The following AIG1 variants were observed in gnomAD, a reference collection of about 807,000 sequenced individuals.
The protein encoded by AIG1 is androgen-induced gene 1 protein.
In AIG1, 23 loss-of-function variants were observed where a neutral mutation model predicts 31.4. The observed-to-expected ratio is 0.73, with a 90% confidence interval of 0.53 to 1.04. The LOEUF (loss-of-function observed/expected upper bound fraction) is 1.04, where lower values mean the gene tolerates loss of function less well. AIG1 is among the 50% of genes least tolerant of loss of function. AIG1 has a pLI of 0.00. For missense variants in AIG1, 274 were observed against 295.0 expected (o/e 0.93, Z 0.52); for synonymous variants, 100 against 110.5 (o/e 0.90, Z 0.60).
rs932197135 is a variant in AIG1, at chr6:143,284,064, A to C, written c.400-46A>C. 1 of 1,418,372 alleles carries C rather than the reference A, an allele frequency of 7.1e-7. No homozygotes were observed. Among genetic ancestry groups the C allele is most frequent in the African/African-American group, 1.4e-5 (1 of 70,878 alleles). 87.9% of individuals were successfully genotyped at this position (1,418,372 alleles called of 1,614,324 possible). A position where few individuals can be genotyped will look rare whatever the true frequency, so the allele number is the denominator to read the frequency against. On this transcript the variant is annotated intron_variant, in intron 3 of 5. Coordinates refer to ENST00000357847, the MANE Select transcript of AIG1 (RefSeq NM_016108.4). This position sits in a 1 kb window ranked among gnomAD's most constrained non-coding sequence, Gnocchi z 4.4. Reference sequence around the variant, plus strand: ...TACTGGTGAAAAAACAACTATAGAGAGACAATGATAGCAATCTGTGTCACC... The same window carrying C: ...TACTGGTGAAAAAACAACTATAGAGCGACAATGATAGCAATCTGTGTCACC...
intron 3 of AIG1, among the ~76,000 whole-genome samples, chr6:143,173,578 G>A (rs943221985): frequency 1.3e-5 from 2 of 152,128 alleles, no homozygotes; most frequent in Non-Finnish European, 2.9e-5. Flanking sequence ...GTTTGGATAG[G>A]TTGTGTCACT....
At chr6:143,157,040 AT>A (rs1345151638) in intron 2 of AIG1, among the ~76,000 whole-genome samples, 2 of 152,240 alleles carry the variant, frequency 1.3e-5, no homozygotes, top group Non-Finnish European at 2.9e-5. Flanking sequence ...TAAGTTTAAA[AT>A]TTATTTTTAG....
chr6:143,144,169 T>G (rs1784522486), intron 2 of AIG1, among the ~76,000 whole-genome samples: 1 of 152,218 alleles, frequency 6.6e-6, no homozygotes, highest in Non-Finnish European at 1.5e-5. Flanking sequence ...TAGTCACACA[T>G]TAACAAAATT....
rs1393192485 is a variant in AIG1 at position 143,338,254 on chromosome 6, C to T, written c.680-1385C>T. The T allele has an allele frequency of 2.6e-6, 1 of 378,216 alleles. No homozygotes were observed. Among genetic ancestry groups the T allele is most frequent in the Non-Finnish European group, 4.7e-6 (1 of 213,692 alleles). 23.4% of individuals were successfully genotyped at this position (378,216 alleles called of 1,614,324 possible). A position where few individuals can be genotyped will look rare whatever the true frequency, so the allele number is the denominator to read the frequency against. On this transcript the variant is annotated intron_variant, in intron 5 of 5. Coordinates refer to ENST00000357847, the MANE Select transcript of AIG1 (RefSeq NM_016108.4). This position sits in a 1 kb window ranked among gnomAD's most constrained non-coding sequence, Gnocchi z 4.3. Reference sequence around the variant, plus strand: ...CTGTTTTCTTCTTTCCGTGGTTACCCAACAACGAAGGCGTGTTGTACCTTC... The same window carrying T: ...CTGTTTTCTTCTTTCCGTGGTTACCTAACAACGAAGGCGTGTTGTACCTTC...
chr6:143,121,513 C>A (rs192784852), intron 1 of AIG1, among the ~76,000 whole-genome samples: 45 of 152,194 alleles, frequency 3.0e-4, no homozygotes, highest in Admixed American at 2.9e-3. Flanking sequence ...TCCATCTATC[C>A]TTTCTTGTTT....
chr6:143,303,132 G>A (rs1451361270), intron 4 of AIG1, among the ~76,000 whole-genome samples: 1 of 151,966 alleles, frequency 6.6e-6, no homozygotes, highest in Non-Finnish European at 1.5e-5. Context: ...TTAGCCCTTT[G>A]TCAGATGAGT....
At chr6:143,283,721 C>T (rs1308616048) in intron 3 of AIG1, among the ~76,000 whole-genome samples, 2 of 152,136 alleles carry the variant, frequency 1.3e-5, no homozygotes, top group African/African-American at 4.8e-5. Context: ...AACAGAATTG[C>T]ACACACAGTA....
At chr6:143,250,630 T>G (rs1794943078) in intron 3 of AIG1, among the ~76,000 whole-genome samples, 1 of 151,902 alleles carries the variant, frequency 6.6e-6, no homozygotes, top group Admixed American at 6.6e-5. Context: ...AGACACACAT[T>G]GAGCAGGGGC....
chr6:143,171,413 TATATATATA>T lies in AIG1; in HGVS notation c.399+6249_399+6257del, dbSNP rs1226541903. The stretch of plus-strand genomic sequence containing the variant: ...TGCGTAGTATTCAATAGTGTGTGTA[TATATATATA>T]ATATATATAATATATATATAATATA... On this transcript the variant is annotated intron_variant, in intron 3 of 5. Coordinates refer to ENST00000357847, the MANE Select transcript of AIG1 (RefSeq NM_016108.4). 1.8e-3 allele frequency among the ~76,000 whole-genome samples: 217 copies of T among 122,692 alleles called. 2 individuals carry two copies. In the East Asian group the frequency reaches 0.029, roughly 17 times the overall value. The allele number at this position is 122,692 out of a possible 152,430, so 80.5% of individuals were successfully genotyped here.
At chr6:143,301,807 C>G (rs1054074075) in intron 4 of AIG1, among the ~76,000 whole-genome samples, 1 of 152,156 alleles carries the variant, frequency 6.6e-6, no homozygotes, top group Non-Finnish European at 1.5e-5. Flanking sequence ...CAAACCATAT[C>G]AGACAGTATC....
chr6:143,231,528 A>G (rs1583574416), intron 3 of AIG1, among the ~76,000 whole-genome samples: 1 of 152,192 alleles, frequency 6.6e-6, no homozygotes, highest in South Asian at 2.1e-4. Flanking sequence ...CTGAGGGAGC[A>G]TGGGCATAGC....
At chr6:143,282,559 A>G (rs1797407648) in intron 3 of AIG1, among the ~76,000 whole-genome samples, 3 of 152,218 alleles carry the variant, frequency 2.0e-5, no homozygotes, top group Admixed American at 6.5e-5. Context: ...AGAGCTAATT[A>G]TACTGTTTTA....
chr6:143,251,244 G>A (rs1583627988), intron 3 of AIG1, among the ~76,000 whole-genome samples: 1 of 152,050 alleles, frequency 6.6e-6, no homozygotes, highest in Non-Finnish European at 1.5e-5. Context: ...TAGAGATGGG[G>A]TTTCTCCATG....
At chr6:143,090,294 T>G (rs555187653) in intron 1 of AIG1, among the ~76,000 whole-genome samples, 82 of 144,152 alleles carry the variant, frequency 5.7e-4, no homozygotes, top group Non-Finnish European at 9.7e-4. Context: ...TCTATCTGTC[T>G]TTCTATCTAT....
intron 3 of AIG1, among the ~76,000 whole-genome samples, chr6:143,198,202 A>C (rs1241223127): frequency 6.6e-6 from 1 of 152,250 alleles, no homozygotes; most frequent in South Asian, 2.1e-4. Flanking sequence ...AACAGCTATC[A>C]TTCCATTTTA....
At chr6:143,115,269 T>C (rs1454545323) in intron 1 of AIG1, among the ~76,000 whole-genome samples, 1 of 152,234 alleles carries the variant, frequency 6.6e-6, no homozygotes, top group African/African-American at 2.4e-5. Context: ...TTTTCATTCA[T>C]ATGTCCAAAT....
intron 4 of AIG1, among the ~76,000 whole-genome samples, chr6:143,307,826 A>C (rs915841116): frequency 6.6e-6 from 1 of 152,248 alleles, no homozygotes; most frequent in African/African-American, 2.4e-5. Flanking sequence ...AGAGGCAGGC[A>C]GGCAGGCCTC....
At chr6:143,143,370 G>A (rs148472495) in intron 2 of AIG1, among the ~76,000 whole-genome samples, 10,940 of 148,810 alleles carry the variant, frequency 0.074, 1,343 homozygotes, top group African/African-American at 0.26. Context: ...GCTTGGTGGC[G>A]GGTGCCTGTA....
chr6:143,171,412 A>G (rs1158622607), intron 3 of AIG1, among the ~76,000 whole-genome samples: 26 of 122,654 alleles, frequency 2.1e-4, no homozygotes, highest in African/African-American at 5.6e-4. Context: ...TAGTGTGTGT[A>G]TATATATATA....
Sources: gnomAD v4.1 joint callset for allele counts (sites outside exome capture counted in the v4.1 genomes callset) on GRCh38, gnomAD v4.1.1 for gene constraint, Gnocchi (gnomAD v3.1) non-coding constraint, MANE v1.5 for transcripts, NCBI Gene and HGNC (gene_info 2026-07-23, HGNC 2026-07-21) for gene names.